Variants in TCF12 observed in about 807,000 individuals in gnomAD.
TCF12 encodes DNA-binding protein HTF4.
In TCF12, 45 loss-of-function variants were observed where a neutral mutation model predicts 86.0. That is an observed-to-expected ratio of 0.52 (90% CI 0.41 to 0.67). TCF12 has a LOEUF of 0.67. TCF12 is among the 30% of genes least tolerant of loss of function. The pLI is 0.00. For missense variants in TCF12, 881 were observed against 859.9 expected (o/e 1.02, Z -0.31); for synonymous variants, 330 against 299.6 (o/e 1.10, Z -1.05).
intron 19 of TCF12, among the ~76,000 whole-genome samples, chr15:57,274,669 C>T (rs1420559621): frequency 3.9e-5 from 6 of 152,150 alleles, no homozygotes; most frequent in Admixed American, 1.3e-4. Context: ...TTCAAGTACA[C>T]TCATCCTCCT....
At chr15:57,244,450 G>A (rs1156763042) in intron 13 of TCF12, among the ~76,000 whole-genome samples, 1 of 151,954 alleles carries the variant, frequency 6.6e-6, no homozygotes, top group East Asian at 1.9e-4. Flanking sequence ...GTGGAGATAA[G>A]TGGTTCACAT....
intron 8 of TCF12, among the ~76,000 whole-genome samples, chr15:57,204,301 A>C (rs1244952975): frequency 6.6e-6 from 1 of 151,960 alleles, no homozygotes; most frequent in Non-Finnish European, 1.5e-5. Flanking sequence ...ATTTTAAAAA[A>C]CTGTCCAGGT....
intron 4 of TCF12, among the ~76,000 whole-genome samples, chr15:57,070,764 A>C (rs745902590): frequency 3.9e-5 from 6 of 152,204 alleles, no homozygotes; most frequent in Non-Finnish European, 7.3e-5. Flanking sequence ...TGGTTTTTCT[A>C]ATGTGCTATC....
At chr15:57,201,164 G>A (rs2057524668) in intron 8 of TCF12, among the ~76,000 whole-genome samples, 1 of 152,102 alleles carries the variant, frequency 6.6e-6, no homozygotes. Flanking sequence ...GTGGACTTTT[G>A]TAGCAGCAAC....
chr15:57,018,299 G>A (rs1237288290), intron 3 of TCF12, among the ~76,000 whole-genome samples: 1 of 152,186 alleles, frequency 6.6e-6, no homozygotes, highest in South Asian at 2.1e-4. Context: ...ATTAGTGATT[G>A]GCTATACATT....
chr15:57,046,774 G>C (rs1454967432), intron 3 of TCF12, among the ~76,000 whole-genome samples: 1 of 152,124 alleles, frequency 6.6e-6, no homozygotes, highest in Non-Finnish European at 1.5e-5. Flanking sequence ...AAAACTATTG[G>C]AATACATATA....
At chr15:57,050,369 A>G (rs1224693682) in intron 3 of TCF12, among the ~76,000 whole-genome samples, 1 of 152,150 alleles carries the variant, frequency 6.6e-6, no homozygotes, top group Non-Finnish European at 1.5e-5. Flanking sequence ...AGGTGACATG[A>G]GCATCCTTCA....
chr15:56,926,641 G>T (rs2060028339), intron 3 of TCF12, among the ~76,000 whole-genome samples: 1 of 152,074 alleles, frequency 6.6e-6, no homozygotes, highest in Non-Finnish European at 1.5e-5. Context: ...GAGAGAAGCT[G>T]GTTTTTATTA....
At chr15:57,107,575 G>A (rs572962855) in intron 5 of TCF12, among the ~76,000 whole-genome samples, 1 of 152,062 alleles carries the variant, frequency 6.6e-6, no homozygotes, top group Non-Finnish European at 1.5e-5. Context: ...GAACTTGGGG[G>A]GATAATGATG....
At position 56,978,884 on chromosome 15, in the gene TCF12, T is replaced by C. The variant is rs544977489; in HGVS notation, c.148+57786T>C. ...ATTTCTGCAATGATGGGAAATTTTC[T>C]TTTTAATTTGTCTTGTCAAATGTGG... On this transcript the variant is annotated intron_variant, in intron 3 of 20. Coordinates refer to ENST00000333725, the MANE Select transcript of TCF12 (RefSeq NM_207037.2). Among the ~76,000 whole-genome samples the C allele has an allele frequency of 5.9e-5, 9 of 152,340 alleles. No individual in the cohort carries two copies. The East Asian group carries it at 1.3e-3, about 23-fold the overall frequency.
chr15:57,251,362 G>T lies in TCF12; in HGVS notation c.1127G>T (p.Trp376Leu). The T allele has an allele frequency of 6.2e-7, 1 of 1,613,922 alleles. No individual in the cohort carries two copies. Among genetic ancestry groups the T allele is most frequent in the Non-Finnish European group, 8.5e-7 (1 of 1,179,886 alleles). Residue 376 changes from tryptophan to leucine, a missense_variant, in exon 14 of 21, where the codon TGG becomes TTG. This residue lies in a region of TCF12 where 766 missense variants were observed against 718.9 expected (regional missense o/e 1.07). Transcript: ENST00000333725. ...SPSPLTGTSQWPRPGGQAPSS... is the reference protein window; with the variant it reads ...SPSPLTGTSQLPRPGGQAPSS... ...TGGGTTTTAACAGGTACCAGTCAGTGGCCAAGACCTGGAGGGCAAGCACCT... is the reference window on the plus strand; with the variant it reads ...TGGGTTTTAACAGGTACCAGTCAGTTGCCAAGACCTGGAGGGCAAGCACCT...
In TCF12 at chr15:57,197,828, A is replaced by G. The variant is rs746842482; in HGVS notation, c.579+3A>G. On this transcript the variant is annotated splice_donor_region_variant and intron_variant, in intron 8 of 20. Transcript: ENST00000333725. The stretch of plus-strand genomic sequence containing the variant: ...TGCCTCCTGGTTTGCCTTCTTCTGT[A>G]AGTACCTATCTTTTTTTAACTTGAT... 10 of 1,613,762 alleles carry G rather than the reference A, an allele frequency of 6.2e-6. No homozygotes were observed. The highest frequency in any genetic ancestry group is 5.5e-5 in the South Asian group (5 of 91,000).
At chr15:57,290,052 A>G (rs2062050002), downstream of TCF12, among the ~76,000 whole-genome samples, 1 of 151,520 alleles carries the variant, frequency 6.6e-6, no homozygotes, top group African/African-American at 2.4e-5. Context: ...ACATTTCAAA[A>G]GAGTGAGTCT....
intron 5 of TCF12, among the ~76,000 whole-genome samples, chr15:57,126,896 A>G (rs1005021286): frequency 7.2e-5 from 11 of 152,182 alleles, no homozygotes; most frequent in African/African-American, 2.4e-4. Flanking sequence ...TCTTGGGAAC[A>G]TGGGTAGGGT....
At chr15:57,218,746 GTAT>G (rs1299315637) in intron 8 of TCF12, among the ~76,000 whole-genome samples, 4 of 152,114 alleles carry the variant, frequency 2.6e-5, no homozygotes, top group African/African-American at 7.2e-5. Context: ...CTGAAAATCT[GTAT>G]TATTAAGTGT....
At chr15:57,085,699 TTTCTC>T (rs2048577624) in intron 4 of TCF12, among the ~76,000 whole-genome samples, 1 of 152,228 alleles carries the variant, frequency 6.6e-6, no homozygotes, top group Admixed American at 6.5e-5. Context: ...TAAGAACACT[TTTCTC>T]TCTTTGAAAC....
intron 2 of TCF12, 116 bp downstream of exon 2, chr15:56,920,104 C>T: frequency 9.0e-7 from 1 of 1,116,376 alleles, no homozygotes; most frequent in Admixed American, 2.1e-5. Context: ...GCAGCGTGAA[C>T]TCCATCTGCT....
At chr15:57,007,010 G>T (rs1190904457) in intron 3 of TCF12, among the ~76,000 whole-genome samples, 2 of 152,136 alleles carry the variant, frequency 1.3e-5, no homozygotes, top group African/African-American at 4.8e-5. Flanking sequence ...ATTTTTTTAG[G>T]TAAGTACTTT....
intron 3 of TCF12, among the ~76,000 whole-genome samples, chr15:57,026,361 T>G (rs1488744907): frequency 6.6e-6 from 1 of 152,176 alleles, no homozygotes; most frequent in African/African-American, 2.4e-5. Context: ...CAAGAGAATA[T>G]GGGTTTCAGC....
Sources: allele counts gnomAD v4.1 joint callset (sites outside exome capture counted in the v4.1 genomes callset), GRCh38; gene constraint gnomAD v4.1.1; regional missense constraint gnomAD v4.1.1; transcripts MANE v1.5; gene names NCBI Gene and HGNC (gene_info 2026-07-23, HGNC 2026-07-21).